The following MTHFD1 variants were observed in gnomAD, a reference collection of about 807,000 sequenced individuals.
The protein encoded by MTHFD1 is methylenetetrahydrofolate dehydrogenase, cyclohydrolase and formyltetrahydrofolate synthetase 1.
A neutral mutation model predicts 110.3 loss-of-function variants in MTHFD1; 44 were observed. The observed-to-expected ratio is 0.40, with a 90% CI of 0.31 to 0.51. MTHFD1 has a LOEUF of 0.51. MTHFD1 is among the 20% of genes least tolerant of loss of function. The pLI, the probability that MTHFD1 is intolerant of heterozygous loss-of-function variation, is 0.60. For missense variants in MTHFD1, 909 were observed against 1,173.1 expected (o/e 0.77, Z 3.29); for synonymous variants, 402 against 428.8 (o/e 0.94, Z 0.77).
chr14:64,392,404 AG>A (rs1450417457), intron 1 of MTHFD1, among the ~76,000 whole-genome samples: 15 of 152,204 alleles, frequency 9.9e-5, no homozygotes, highest in Non-Finnish European at 1.5e-5. Context: ...GGCCTTTCAA[AG>A]GGGGGCTTAC....
At chr14:64,421,447 A>G (rs564837885) in intron 8 of MTHFD1, among the ~76,000 whole-genome samples, 1 of 150,976 alleles carries the variant, frequency 6.6e-6, no homozygotes, top group South Asian at 2.1e-4. Flanking sequence ...ACCGTTTTTA[A>G]CCTCCCTCCC....
At chr14:64,453,680 A>G in intron 24 of MTHFD1, 74 bp from the exon 25 acceptor site, 1 of 854,164 alleles carries the variant, frequency 1.2e-6, no homozygotes, top group Admixed American at 1.8e-5. Context: ...CTGACCTAGA[A>G]TGTGGCTATG....
intron 8 of MTHFD1, among the ~76,000 whole-genome samples, 161 bp downstream of exon 8, chr14:64,420,086 G>C (rs1463458116): frequency 2.0e-5 from 3 of 152,154 alleles, no homozygotes; most frequent in Non-Finnish European, 4.4e-5. Flanking sequence ...AGATAGAAGA[G>C]TTGCCACTTG....
At chr14:64,459,157 G>A (rs2078522820) in intron 27 of MTHFD1, among the ~76,000 whole-genome samples, 1 of 152,198 alleles carries the variant, frequency 6.6e-6, no homozygotes, top group Non-Finnish European at 1.5e-5. Flanking sequence ...TTTCAGACGT[G>A]CAAGGGTTTG....
intron 1 of MTHFD1, among the ~76,000 whole-genome samples, chr14:64,397,174 TATATATATATATATATAAA>T (rs2077861927): frequency 9.6e-5 from 2 of 20,786 alleles, no homozygotes; most frequent in African/African-American, 5.6e-4. Context: ...TATATATATA[TATATATATATATATATAAA>T]AAACAGTAAT....
intron 2 of MTHFD1, among the ~76,000 whole-genome samples, chr14:64,401,644 A>C (rs1245969374): frequency 6.6e-6 from 1 of 150,784 alleles, no homozygotes; most frequent in Non-Finnish European, 1.5e-5. Flanking sequence ...TGGAGGTTGC[A>C]GTGAGCCAAG....
rs17857382 is a variant in MTHFD1, at chr14:64,449,470, C to G, written c.2305C>G (p.Leu769Val). 1 of 1,613,774 alleles carries G rather than the reference C, an allele frequency of 6.2e-7. No individual in the cohort carries two copies. Residue 769 changes from leucine (L) to valine (V), a missense_variant, in exon 24 of 28, where the codon CTC becomes GTC. Physicochemically the swap from Leu to Val is conservative, Grantham distance 32 (BLOSUM62 1). Around this residue, in one of 3 missense-constraint regions of MTHFD1, gnomAD observed 482 missense variants for 646.0 expected, o/e 0.75. Transcript: ENST00000652337. ...FKTDTESELD[L>V]ISRLSREHGA... ...GACGGATACAGAGTCTGAGCTGGAC[C>G]TCATCAGCCGCCTTTCCAGAGAACA...
At chr14:64,398,855 G>A (rs1415592509) in intron 1 of MTHFD1, among the ~76,000 whole-genome samples, 1 of 152,222 alleles carries the variant, frequency 6.6e-6, no homozygotes, top group African/African-American at 2.4e-5. Flanking sequence ...GCAAGGTTGA[G>A]CTATTCAGAT....
intron 17 of MTHFD1, 150 bp downstream of exon 17, chr14:64,439,322 T>C (rs760305220): frequency 2.8e-6 from 2 of 701,916 alleles, no homozygotes; most frequent in Non-Finnish European, 2.6e-6. Flanking sequence ...GTGTGTGGCA[T>C]TGAGCACTCC....
At chr14:64,418,852 G>A (rs759552595) in intron 7 of MTHFD1, among the ~76,000 whole-genome samples, 2 of 152,146 alleles carry the variant, frequency 1.3e-5, no homozygotes, top group Non-Finnish European at 2.9e-5. Context: ...CACCATGCCC[G>A]ACCTTTGTCT....
chr14:64,410,215 T>A (rs1283049337), intron 2 of MTHFD1, among the ~76,000 whole-genome samples: 3 of 152,072 alleles, frequency 2.0e-5, no homozygotes, highest in African/African-American at 7.2e-5. Context: ...TTTCTCCCTG[T>A]CTCTCTCTTT....
chr14:64,423,520 A>C (rs972606107), intron 8 of MTHFD1, among the ~76,000 whole-genome samples: 17 of 151,422 alleles, frequency 1.1e-4, no homozygotes, highest in Admixed American at 9.2e-4. Flanking sequence ...TCAGCCTCTG[A>C]GCAGCTGGGA....
intron 12 of MTHFD1, among the ~76,000 whole-genome samples, chr14:64,429,064 C>T (rs1172128281): frequency 1.3e-5 from 2 of 151,124 alleles, no homozygotes; most frequent in East Asian, 2.0e-4. Context: ...TGCAGTGGCT[C>T]ATGCCTAAAA....
intron 1 of MTHFD1, among the ~76,000 whole-genome samples, chr14:64,400,476 C>A (rs1182132922): frequency 6.6e-6 from 1 of 152,102 alleles, no homozygotes; most frequent in African/African-American, 2.4e-5. Flanking sequence ...ATCGCTTGAG[C>A]CCAGGAATTC....
intron 17 of MTHFD1, among the ~76,000 whole-genome samples, chr14:64,439,648 C>T (rs2078232737): frequency 6.6e-6 from 1 of 152,076 alleles, no homozygotes; most frequent in Non-Finnish European, 1.5e-5. Flanking sequence ...CGCCTGTAAT[C>T]CCAGCACTTT....
At chr14:64,439,207 A>G in intron 17 of MTHFD1, 35 bp downstream of exon 17, 2 of 1,487,776 alleles carry the variant, frequency 1.3e-6, no homozygotes, top group Non-Finnish European at 1.9e-6. Flanking sequence ...AAATTAGTTC[A>G]GAGGCACTAG....
chr14:64,440,663 G>A lies in MTHFD1; in HGVS notation c.1815+397G>A, dbSNP rs570900472. The A allele has an allele frequency of 3.8e-4, 112 of 292,942 alleles. No homozygotes were observed. The Middle Eastern group carries it at 4.9e-3, about 13-fold the overall frequency. 18.1% of individuals were successfully genotyped at this position (292,942 alleles called of 1,614,324 possible). On this transcript the variant is annotated intron_variant, in intron 18 of 27. Coordinates refer to ENST00000652337, the MANE Select transcript of MTHFD1 (RefSeq NM_005956.4). ...TTAAAAGTTGGTATTGAACTCTTGC[G>A]TAATATTGCAGTTTCAGCTTTGGAA... is the stretch of plus-strand genomic sequence containing the variant.
intron 2 of MTHFD1, among the ~76,000 whole-genome samples, chr14:64,410,637 C>T (rs1292121606): frequency 6.6e-6 from 1 of 152,114 alleles, no homozygotes. Context: ...TGTGGCGGGG[C>T]CAGGGAGCTT....
chr14:64,441,271 T>C, intron 18 of MTHFD1, 114 bp from the exon 19 acceptor site: 1 of 922,892 alleles, frequency 1.1e-6, no homozygotes. Context: ...CAGGTGAAAG[T>C]ATCAATTGGT....
Sources: gnomAD v4.1 joint callset for allele counts (sites outside exome capture counted in the v4.1 genomes callset) on GRCh38, gnomAD v4.1.1 for gene constraint, gnomAD v4.1.1 regional missense constraint, MANE v1.5 for transcripts, NCBI Gene and HGNC (gene_info 2026-07-23, HGNC 2026-07-21) for gene names.